PTPRQ: variants seen among roughly 807,000 people sequenced by gnomAD.
PTPRQ encodes phosphatidylinositol phosphatase PTPRQ.
Under a neutral mutation model 246.0 loss-of-function variants are expected in PTPRQ, and 199 were observed. The observed-to-expected ratio is 0.81, with a 90% CI of 0.72 to 0.91. The LOEUF (loss-of-function observed/expected upper bound fraction) is 0.91, where lower values mean the gene tolerates loss of function less well. Among genes scored for constraint, PTPRQ ranks in the 40% least tolerant of loss-of-function variants. The pLI, the probability that PTPRQ is intolerant of heterozygous loss-of-function variation, is 0.00. For synonymous variants in PTPRQ, 869 were observed against 853.2 expected (o/e 1.02, Z -0.32); for missense variants, 2,624 against 2,528.4 (o/e 1.04, Z -0.81).
intron 37 of PTPRQ, among the ~76,000 whole-genome samples, chr12:80,650,915 C>T (rs1370701901): frequency 6.6e-6 from 1 of 151,900 alleles, no homozygotes; most frequent in Non-Finnish European, 1.5e-5. Flanking sequence ...TTGTCTAATG[C>T]TTTGTTAAGA....
chr12:80,520,196 A>G (rs1229168070), intron 17 of PTPRQ, among the ~76,000 whole-genome samples: 2 of 152,054 alleles, frequency 1.3e-5, no homozygotes, highest in Admixed American at 1.3e-4. Flanking sequence ...GTTGAATTGT[A>G]TCTCCCATAA....
At chr12:80,508,156 C>A (rs529211603) in intron 16 of PTPRQ, among the ~76,000 whole-genome samples, 7 of 151,846 alleles carry the variant, frequency 4.6e-5, no homozygotes, top group Non-Finnish European at 8.8e-5. Flanking sequence ...AAATTCTTGG[C>A]CAAGTCATAT....
chr12:80,609,589 C>G lies in PTPRQ; in HGVS notation c.4732-850C>G, dbSNP rs375151354. On this transcript the variant is annotated intron_variant, in intron 27 of 44. Transcript: ENST00000644991. Reference sequence around the variant, plus strand: ...AATAGGCCAGAACCTCCATAAAGGACAGACTATGTTTGAACAAATCATATA... The same window carrying G: ...AATAGGCCAGAACCTCCATAAAGGAGAGACTATGTTTGAACAAATCATATA... Among the ~76,000 whole-genome samples, 29 of 150,684 alleles carry G rather than the reference C, an allele frequency of 1.9e-4. No homozygotes were observed. The East Asian group carries it at 3.3e-3, about 17-fold the overall frequency.
At chr12:80,658,781 T>C (rs1426825913) in intron 39 of PTPRQ, among the ~76,000 whole-genome samples, 1 of 152,030 alleles carries the variant, frequency 6.6e-6, no homozygotes, top group Non-Finnish European at 1.5e-5. Flanking sequence ...CCATCTTCAT[T>C]ATGGTGAATC....
intron 23 of PTPRQ, among the ~76,000 whole-genome samples, chr12:80,545,593 CTA>C (rs1156840147): frequency 3.3e-5 from 5 of 151,708 alleles, no homozygotes; most frequent in African/African-American, 1.2e-4. Context: ...TAATTTTTTT[CTA>C]TGAGAAAGCG....
At chr12:80,572,653 T>C (rs1454625449) in intron 25 of PTPRQ, among the ~76,000 whole-genome samples, 3 of 152,160 alleles carry the variant, frequency 2.0e-5, no homozygotes, top group Non-Finnish European at 4.4e-5. Context: ...AGACTTTCTG[T>C]AGATACCCCT....
intron 26 of PTPRQ, among the ~76,000 whole-genome samples, chr12:80,602,084 G>A (rs1898164178): frequency 6.6e-6 from 1 of 151,588 alleles, no homozygotes; most frequent in South Asian, 2.1e-4. Flanking sequence ...TGTAAAACTG[G>A]ATCTTTGAGT....
chr12:80,636,752 G>A (rs996931515), intron 35 of PTPRQ, among the ~76,000 whole-genome samples: 10 of 152,088 alleles, frequency 6.6e-5, no homozygotes, highest in African/African-American at 2.4e-4. Flanking sequence ...GAAAAATCCT[G>A]AATAAGTATA....
intron 14 of PTPRQ, among the ~76,000 whole-genome samples, chr12:80,496,840 G>C (rs571662025): frequency 2.4e-4 from 37 of 152,056 alleles, no homozygotes; most frequent in Middle Eastern, 3.4e-3. Flanking sequence ...ACTTGCTTTC[G>C]AGTTAGGTAA....
chr12:80,573,049 A>G (rs1211978166), intron 25 of PTPRQ, among the ~76,000 whole-genome samples: 1 of 152,044 alleles, frequency 6.6e-6, no homozygotes, highest in Non-Finnish European at 1.5e-5. Context: ...TTCCTCCTTT[A>G]TTTTCACAGT....
chr12:80,501,634 A>G (rs1894802874), intron 14 of PTPRQ, among the ~76,000 whole-genome samples: 1 of 151,992 alleles, frequency 6.6e-6, no homozygotes, highest in Admixed American at 6.6e-5. Flanking sequence ...AGAAGCTTAC[A>G]GCTATGTCGT....
intron 25 of PTPRQ, among the ~76,000 whole-genome samples, chr12:80,579,530 T>C (rs977636351): frequency 6.6e-6 from 1 of 152,214 alleles, no homozygotes; most frequent in African/African-American, 2.4e-5. Context: ...TACCTCTTTG[T>C]AGTTATTTCT....
chr12:80,666,514 A>G (rs1900791323), intron 39 of PTPRQ, among the ~76,000 whole-genome samples: 1 of 151,936 alleles, frequency 6.6e-6, no homozygotes. Context: ...ACTATAACAA[A>G]CCACAATTTA....
rs1896992830 is a variant in PTPRQ at position 80,566,793 on chromosome 12, G to A, written c.4285+17059G>A. Among the ~76,000 whole-genome samples the A allele has an allele frequency of 1.3e-5, 2 of 152,050 alleles. 1 individual carries two copies. Among genetic ancestry groups the A allele is most frequent in the Admixed American group, 1.3e-4 (2 of 15,274 alleles). ...GAACTCAATCAATCCTCCTGCCTTG[G>A]CCTCACAAAATGCTGCGATTACAGG... On this transcript the variant is annotated intron_variant, in intron 25 of 44. Coordinates refer to ENST00000644991, the MANE Select transcript of PTPRQ (RefSeq NM_001145026.2).
At chr12:80,623,664 A>T (rs1592729245) in intron 33 of PTPRQ, among the ~76,000 whole-genome samples, 1 of 152,246 alleles carries the variant, frequency 6.6e-6, no homozygotes, top group East Asian at 1.9e-4. Flanking sequence ...GTCTTAGGAG[A>T]TAATATTTTA....
chr12:80,626,685 C>T (rs1899213047), intron 33 of PTPRQ, among the ~76,000 whole-genome samples: 1 of 152,282 alleles, frequency 6.6e-6, no homozygotes, highest in African/African-American at 2.4e-5. Flanking sequence ...CAGTGCTGTA[C>T]TTGTAACCAC....
At chr12:80,561,542 G>A (rs1204770606) in intron 25 of PTPRQ, 1 of 151,898 alleles carries the variant, frequency 6.6e-6, no homozygotes, top group Non-Finnish European at 1.5e-5. Context: ...TTCACTCCAG[G>A]GTCACCCACC....
At chr12:80,655,347 G>C (rs1307714424) in intron 38 of PTPRQ, among the ~76,000 whole-genome samples, 1 of 152,088 alleles carries the variant, frequency 6.6e-6, no homozygotes, top group Non-Finnish European at 1.5e-5. Flanking sequence ...GCTTTGCCCA[G>C]TATTGGAACA....
In PTPRQ at chr12:80,480,070, A is replaced by T. The variant is rs574795768; in HGVS notation, c.1187-4363A>T. Among the ~76,000 whole-genome samples, 1,460 of 150,392 alleles carry T rather than the reference A, an allele frequency of 9.7e-3. 11 individuals are homozygous for T. Among genetic ancestry groups the T allele is most frequent in the Non-Finnish European group, 0.016 (1,118 of 68,028 alleles). On this transcript the variant is annotated intron_variant, in intron 8 of 44. Coordinates refer to ENST00000644991, the MANE Select transcript of PTPRQ (RefSeq NM_001145026.2). ...TCCACCCCAAATCAAGAGAATATAC[A>T]TTTTTTTCAGCACCACACCACACCT...
Sources: gnomAD v4.1 joint callset for allele counts (sites outside exome capture counted in the v4.1 genomes callset) on GRCh38, gnomAD v4.1.1 for gene constraint, MANE v1.5 for transcripts, NCBI Gene and HGNC (gene_info 2026-07-23, HGNC 2026-07-21) for gene names.